Variants in LRRC4C observed in about 807,000 individuals in gnomAD.
LRRC4C encodes the protein leucine-rich repeat-containing protein 4C.
In LRRC4C, 5 loss-of-function variants were observed where a neutral mutation model predicts 33.6. The ratio of observed to expected loss-of-function variants is 0.15; its 90% CI spans 0.08 to 0.31. The LOEUF (loss-of-function observed/expected upper bound fraction) is 0.31. LRRC4C is among the 10% of genes least tolerant of loss of function. The pLI is 1.00. For synonymous variants in LRRC4C, 329 were observed against 302.0 expected (o/e 1.09, Z -0.93); for missense variants, 560 against 796.7 (o/e 0.70, Z 3.58).
At chr11:40,650,044 T>C (rs1293909370) in intron 2 of LRRC4C, among the ~76,000 whole-genome samples, 3 of 152,240 alleles carry the variant, frequency 2.0e-5, no homozygotes, top group Non-Finnish European at 4.4e-5. Context: ...ATTTTTTGTG[T>C]TAAATCTGGC....
chr11:40,139,221 A>G (rs2134945557), intron 6 of LRRC4C, among the ~76,000 whole-genome samples: 1 of 152,318 alleles, frequency 6.6e-6, no homozygotes, highest in Non-Finnish European at 1.5e-5. Flanking sequence ...TGAGCTATCA[A>G]TGCTGCATAT....
At chr11:40,548,664 C>T (rs902584747) in intron 3 of LRRC4C, among the ~76,000 whole-genome samples, 3 of 152,132 alleles carry the variant, frequency 2.0e-5, no homozygotes, top group African/African-American at 7.2e-5. Flanking sequence ...CCATGCTTGA[C>T]ATGCTCTAGG....
At chr11:40,480,452 G>T (rs1953491460) in intron 3 of LRRC4C, among the ~76,000 whole-genome samples, 1 of 151,960 alleles carries the variant, frequency 6.6e-6, no homozygotes, top group Admixed American at 6.6e-5. Flanking sequence ...ACACAAAGAA[G>T]GGAACAACTA....
intron 5 of LRRC4C, among the ~76,000 whole-genome samples, chr11:40,231,967 G>A (rs548819379): frequency 1.2e-4 from 19 of 152,252 alleles, no homozygotes; most frequent in African/African-American, 4.6e-4. Flanking sequence ...GACACTAGTG[G>A]CTAAAAATGG....
At chr11:40,560,648 G>A (rs1280775197) in intron 3 of LRRC4C, among the ~76,000 whole-genome samples, 1 of 152,188 alleles carries the variant, frequency 6.6e-6, no homozygotes, top group Non-Finnish European at 1.5e-5. Context: ...ATTTGAAACT[G>A]AAAGAGCTGT....
intron 2 of LRRC4C, among the ~76,000 whole-genome samples, chr11:40,730,118 G>A (rs373802688): frequency 2.0e-5 from 3 of 151,978 alleles, no homozygotes; most frequent in Non-Finnish European, 2.9e-5. Flanking sequence ...GGTTGGGGGG[G>A]GCAGGGATAG....
intron 3 of LRRC4C, among the ~76,000 whole-genome samples, chr11:40,623,674 G>T (rs554242398): frequency 2.6e-5 from 4 of 152,068 alleles, no homozygotes; most frequent in Admixed American, 1.3e-4. Flanking sequence ...GTGCCAACTT[G>T]TTCCAACAAT....
chr11:40,916,931 AG>A (rs1386333719), intron 2 of LRRC4C, among the ~76,000 whole-genome samples: 1 of 152,214 alleles, frequency 6.6e-6, no homozygotes, highest in East Asian at 1.9e-4. Flanking sequence ...AATGCAGTTA[AG>A]ATCTTTCTTA....
At chr11:40,431,692 C>T (rs1188713108) in intron 3 of LRRC4C, among the ~76,000 whole-genome samples, 1 of 152,150 alleles carries the variant, frequency 6.6e-6, no homozygotes, top group Non-Finnish European at 1.5e-5. Context: ...ATATTAAATA[C>T]TTCATACGCA....
At position 41,040,095 on chromosome 11, in the gene LRRC4C, G is replaced by A. The variant is rs1054986095; in HGVS notation, c.-495-106372C>T. ...AGAGCTTGCAGTGAGCCGAGATCAC[G>A]CCACTGCACTCCAGCCTGGGCAACA... On this transcript the variant is annotated intron_variant, in intron 1 of 6. Coordinates refer to ENST00000528697, the MANE Select transcript of LRRC4C (RefSeq NM_001258419.2). Among the ~76,000 whole-genome samples, 6 of 143,122 alleles carry A rather than the reference G, an allele frequency of 4.2e-5. No individual in the cohort carries two copies. In the East Asian group the frequency reaches 8.3e-4, roughly 20 times the overall value. The allele number at this position is 143,122 out of a possible 152,430, so 93.9% of individuals were successfully genotyped here.
intron 1 of LRRC4C, among the ~76,000 whole-genome samples, chr11:41,458,884 C>A (rs1228120274): frequency 6.6e-6 from 1 of 151,978 alleles, no homozygotes; most frequent in Non-Finnish European, 1.5e-5. Flanking sequence ...CAATTAAGAG[C>A]TGGTGAAGCA....
At chr11:40,824,445 A>T (rs1481171539) in intron 2 of LRRC4C, among the ~76,000 whole-genome samples, 1 of 151,818 alleles carries the variant, frequency 6.6e-6, no homozygotes, top group East Asian at 1.9e-4. Flanking sequence ...ATAGAGTTTC[A>T]TCCATATGTA....
chr11:40,693,298 A>G (rs1202558671), intron 2 of LRRC4C, among the ~76,000 whole-genome samples: 1 of 152,174 alleles, frequency 6.6e-6, no homozygotes, highest in Non-Finnish European at 1.5e-5. Context: ...GATTTTTGAA[A>G]AGAGAGAATG....
At chr11:40,725,234 C>A (rs1489737746) in intron 2 of LRRC4C, among the ~76,000 whole-genome samples, 1 of 152,172 alleles carries the variant, frequency 6.6e-6, no homozygotes, top group African/African-American at 2.4e-5. Flanking sequence ...AGGCCGGGTG[C>A]AGTGGCTCAC....
chr11:40,588,789 G>C (rs1406162280), intron 3 of LRRC4C, among the ~76,000 whole-genome samples: 1 of 152,204 alleles, frequency 6.6e-6, no homozygotes, highest in Non-Finnish European at 1.5e-5. Flanking sequence ...GAGCAGTTTT[G>C]AGTGAGATTC....
chr11:41,280,532 A>G (rs925942068), intron 1 of LRRC4C, among the ~76,000 whole-genome samples: 1 of 152,368 alleles, frequency 6.6e-6, no homozygotes, highest in Non-Finnish European at 1.5e-5. Context: ...GCCTGATGAA[A>G]TAACATTGCA....
intron 2 of LRRC4C, among the ~76,000 whole-genome samples, chr11:40,741,620 GACTTTATTTTTGGC>G (rs1948160570): frequency 6.6e-6 from 1 of 151,990 alleles, no homozygotes; most frequent in Non-Finnish European, 1.5e-5. Context: ...ATTGATTCAT[GACTTTATTTTTGGC>G]ACAGAGCAAA....
intron 3 of LRRC4C, among the ~76,000 whole-genome samples, chr11:40,639,659 C>G (rs1941991072): frequency 6.6e-6 from 1 of 152,200 alleles, no homozygotes; most frequent in South Asian, 2.1e-4. Context: ...GTTTTACTGC[C>G]TTAAAATTTC....
At chr11:40,672,433 A>G (rs2136281388) in intron 2 of LRRC4C, among the ~76,000 whole-genome samples, 2 of 152,342 alleles carry the variant, frequency 1.3e-5, no homozygotes, top group Admixed American at 1.3e-4. Flanking sequence ...TGGTTCTAAC[A>G]AGATAAATGA....
Sources: allele counts gnomAD v4.1 joint callset (sites outside exome capture counted in the v4.1 genomes callset), GRCh38; gene constraint gnomAD v4.1.1; transcripts MANE v1.5; gene names NCBI Gene and HGNC (gene_info 2026-07-23, HGNC 2026-07-21).